Variants in ZNF641 observed in about 807,000 individuals in gnomAD.
ZNF641 encodes the protein zinc finger protein 641.
A neutral mutation model predicts 46.2 loss-of-function variants in ZNF641; 26 were observed. The ratio of observed to expected loss-of-function variants is 0.56; its 90% CI spans 0.41 to 0.78. ZNF641 has a LOEUF of 0.78. Ranked by LOEUF, ZNF641 falls within the 30% of genes least tolerant of loss-of-function variation. The pLI, the probability that ZNF641 is intolerant of heterozygous loss-of-function variation, is 0.00. For synonymous variants in ZNF641, 163 were observed against 187.9 expected (o/e 0.87, Z 1.09); for missense variants, 469 against 517.8 (o/e 0.91, Z 0.91).
Position 48,341,544 on chromosome 12 carries a change from C to A in ZNF641, c.*1429G>T. ...CAGCAGCTGAAAAGCTAAGCCACAG[C>A]CATTTTCCCTAAAGTTCTGTTTCTG... On this transcript the variant is annotated 3_prime_UTR_variant, in exon 6 of 6. Coordinates refer to ENST00000547026, the MANE Select transcript of ZNF641 (RefSeq NM_001172681.2). 1.0e-6 allele frequency: 1 copy of A among 985,452 alleles called. No individual in the cohort carries two copies. Among genetic ancestry groups the A allele is most frequent in the Non-Finnish European group, 1.2e-6 (1 of 829,944 alleles). The allele number at this position is 985,452 out of a possible 1,614,324, so 61.0% of individuals were successfully genotyped here. A position where few individuals can be genotyped will look rare whatever the true frequency, so the allele number is the denominator to read the frequency against.
At position 48,344,459 on chromosome 12, in the gene ZNF641, C is replaced by T; in HGVS notation, c.520+140G>A. 14 of 549,194 alleles carry T rather than the reference C, an allele frequency of 2.5e-5. 1 individual carries two copies. In the South Asian group the frequency reaches 3.9e-4, roughly 15 times the overall value. 34.0% of individuals were successfully genotyped at this position (549,194 alleles called of 1,614,324 possible). A position where few individuals can be genotyped will look rare whatever the true frequency, so the allele number is the denominator to read the frequency against. On this transcript the variant is annotated intron_variant, in intron 5 of 5. Transcript: ENST00000547026. ...GTGCCTGCTACATCATTCTATTACA[C>T]TCCCTTGCTTTTGAAGAAAAAAATC...
chr12:48,350,218 C>A, intron 1 of ZNF641: 2 of 1,486,454 alleles, frequency 1.3e-6, no homozygotes, highest in Non-Finnish European at 1.8e-6. Context: ...TAGCAAGGGA[C>A]CTGCAAAAGG....
chr12:48,351,023 T>TGGGAGGGAGAGGAGTGGGAGGGA (rs1565997461), upstream of ZNF641: 3 of 81,434 alleles, frequency 3.7e-5, no homozygotes, highest in South Asian at 6.8e-4. Flanking sequence ...GGGAGAGGAG[T>TGGGAGGGAGAGGAGTGGGAGGGA]GGGAGGGAGG....
At position 48,348,012 on chromosome 12, in the gene ZNF641, C is replaced by A; in HGVS notation, c.79G>T (p.Val27Leu). ...CGCTCTTCCTGGCTTCCCCTTTCCACCTGGGGCTCTGCTCCATCCAGCTGT... is the reference window on the plus strand; with the variant it reads ...CGCTCTTCCTGGCTTCCCCTTTCCAACTGGGGCTCTGCTCCATCCAGCTGT... ...NVQLDGAEPQ[V>L]ERGSQEERPW... The change falls in exon 2 of 6, where the codon GTG (valine) becomes TTG (leucine). Residue 27 changes from valine (V) to leucine (L), a missense_variant. Val to Leu is a conservative substitution (Grantham distance 32). Around this residue, in one of 3 missense-constraint regions of ZNF641, gnomAD observed 98 missense variants for 105.7 expected, o/e 0.93. Transcript: ENST00000547026. 1 of 1,614,230 alleles carries A rather than the reference C, an allele frequency of 6.2e-7. No individual in the cohort carries two copies. The highest frequency in any genetic ancestry group is 8.5e-7 in the Non-Finnish European group (1 of 1,180,050).
chr12:48,350,771 C>T lies in ZNF641; in HGVS notation c.-26+15G>A. 2 of 969,466 alleles carry T rather than the reference C, an allele frequency of 2.1e-6. No homozygotes were observed. Among genetic ancestry groups the T allele is most frequent in the Non-Finnish European group, 2.5e-6 (2 of 815,310 alleles). 60.1% of individuals were successfully genotyped at this position (969,466 alleles called of 1,614,324 possible). ...TCCCTCCAGCCGCAGCTCCCTCCGGCCCGGCTCCACTCACCCCCGGTAGGC... is the reference window on the plus strand; with the variant it reads ...TCCCTCCAGCCGCAGCTCCCTCCGGTCCGGCTCCACTCACCCCCGGTAGGC... On this transcript the variant is annotated intron_variant, in intron 1 of 5. Transcript: ENST00000547026.
At position 48,341,409 on chromosome 12, in the gene ZNF641, T is replaced by C. The variant is rs1301058688; in HGVS notation, c.*1564A>G. 5.1e-6 allele frequency: 5 copies of C among 985,332 alleles called. No individual in the cohort carries two copies. In the Admixed American group the frequency reaches 3.1e-4, roughly 61 times the overall value. 61.0% of individuals were successfully genotyped at this position (985,332 alleles called of 1,614,324 possible). A position where few individuals can be genotyped will look rare whatever the true frequency, so the allele number is the denominator to read the frequency against. On this transcript the variant is annotated 3_prime_UTR_variant, in exon 6 of 6. Transcript: ENST00000547026. The stretch of plus-strand genomic sequence containing the variant: ...TTGATAAAGAGAAACAATGACCAAC[T>C]CATTAGCTAACGATGCTAGAATACT...
In ZNF641 at chr12:48,341,701, A is replaced by C. The variant is rs1380882724; in HGVS notation, c.*1272T>G. 1 of 985,348 alleles carries C rather than the reference A, an allele frequency of 1.0e-6. No individual in the cohort carries two copies. Among genetic ancestry groups the C allele is most frequent in the Non-Finnish European group, 1.2e-6 (1 of 829,954 alleles). 61.0% of individuals were successfully genotyped at this position (985,348 alleles called of 1,614,324 possible). On this transcript the variant is annotated 3_prime_UTR_variant, in exon 6 of 6. Coordinates refer to ENST00000547026, the MANE Select transcript of ZNF641 (RefSeq NM_001172681.2). ...AGCACTTAAAACAAAATCCCCACTC[A>C]ATACAAAGTTTCTATGTGCCTCTTG...
intron 2 of ZNF641, 87 bp from the exon 3 acceptor site, chr12:48,347,430 G>T (rs1952908453): frequency 8.3e-7 from 1 of 1,204,748 alleles, no homozygotes; most frequent in Admixed American, 2.9e-5. Flanking sequence ...AGGCTTAAGG[G>T]TCACAACTTC....
At position 48,338,509 on chromosome 12, in the gene ZNF641, GTCTGTCC is replaced by G. The variant is rs1210647932; in HGVS notation, c.*4457_*4463del. The G allele has an allele frequency of 6.6e-6, 1 of 152,290 alleles. No homozygotes were observed. Among genetic ancestry groups the G allele is most frequent in the Admixed American group, 6.5e-5 (1 of 15,278 alleles). 9.4% of individuals were successfully genotyped at this position (152,290 alleles called of 1,614,324 possible). ...GGGCAGATTTATAACTGTCAGTTCA[GTCTGTCC>G]TCATAGGTGCGCCTGGGAGAGGAAC... On this transcript the variant is annotated 3_prime_UTR_variant, in exon 6 of 6. Coordinates refer to ENST00000547026, the MANE Select transcript of ZNF641 (RefSeq NM_001172681.2).
chr12:48,346,629 C>A (rs1952879421), intron 3 of ZNF641, among the ~76,000 whole-genome samples: 1 of 152,150 alleles, frequency 6.6e-6, no homozygotes, highest in South Asian at 2.1e-4. Flanking sequence ...TCCTCTTTTC[C>A]TAATCTTTCC....
rs1199845186 is a variant in ZNF641, at chr12:48,343,083, G to A, written c.1165C>T (p.Pro389Ser). The A allele has an allele frequency of 1.2e-6, 2 of 1,614,206 alleles. No homozygotes were observed. The highest frequency in any genetic ancestry group is 4.5e-5 in the East Asian group (2 of 44,888). The change falls in exon 6 of 6, where the codon CCT becomes TCT. Residue 389 changes from proline to serine, a missense_variant. Pro to Ser is a moderately conservative substitution (Grantham distance 74, BLOSUM62 -1). Coordinates refer to ENST00000547026, the MANE Select transcript of ZNF641 (RefSeq NM_001172681.2). Reference protein sequence around the residue: ...THTGEKPFQCPRCEKSFGRKH... With the variant: ...THTGEKPFQCSRCEKSFGRKH... Reference sequence around the variant, plus strand: ...CGGCCAAAGCTCTTCTCACAGCGAGGGCACTGGAAGGGCTTCTCCCCAGTG... The same window carrying A: ...CGGCCAAAGCTCTTCTCACAGCGAGAGCACTGGAAGGGCTTCTCCCCAGTG...
chr12:48,349,174 T>C (rs772353891), intron 1 of ZNF641, among the ~76,000 whole-genome samples: 1 of 152,222 alleles, frequency 6.6e-6, no homozygotes, highest in Non-Finnish European at 1.5e-5. Context: ...GGGTCTTGAT[T>C]GCAAGAGAAG....
Position 48,341,325 on chromosome 12 carries a change from C to G in ZNF641, c.*1648G>C. On this transcript the variant is annotated 3_prime_UTR_variant, in exon 6 of 6. Transcript: ENST00000547026. The stretch of plus-strand genomic sequence containing the variant: ...CTTTGCTCCTCTTCCTCCCTAACCC[C>G]GAACTGCTCTTACATACAAGATAAT... 4 of 985,370 alleles carry G rather than the reference C, an allele frequency of 4.1e-6. No homozygotes were observed. The highest frequency in any genetic ancestry group is 4.8e-6 in the Non-Finnish European group (4 of 829,924). The allele number at this position is 985,370 out of a possible 1,614,324, so 61.0% of individuals were successfully genotyped here.
At position 48,347,976 on chromosome 12, in the gene ZNF641, T is replaced by G. The variant is rs1421120545; in HGVS notation, c.115A>C (p.Thr39Pro). Residue 39 changes from threonine to proline, a missense_variant, in exon 2 of 6, where the codon ACA becomes CCA. Transcript: ENST00000547026. Reference sequence around the variant, plus strand: ...AGGTGCTCCAGAGGTCCTGGTACTGTTCTCCATGGCCGCTCTTCCTGGCTT... The same window carrying G: ...AGGTGCTCCAGAGGTCCTGGTACTGGTCTCCATGGCCGCTCTTCCTGGCTT... Reference protein sequence around the residue: ...RGSQEERPWRTVPGPLEHLCC... With the variant: ...RGSQEERPWRPVPGPLEHLCC... 4 of 1,614,128 alleles carry G rather than the reference T, an allele frequency of 2.5e-6. No homozygotes were observed. The highest frequency in any genetic ancestry group is 3.4e-6 in the Non-Finnish European group (4 of 1,180,060).
In ZNF641 at chr12:48,343,048, G is replaced by T; in HGVS notation, c.1200C>A (p.His400Gln). 1 of 1,614,250 alleles carries T rather than the reference G, an allele frequency of 6.2e-7. No homozygotes were observed. The highest frequency in any genetic ancestry group is 8.5e-7 in the Non-Finnish European group (1 of 1,180,044). ...GGTGGGTGAGCAGGTGCCTGTCCAG[G>T]TGATGTTTTCGGCCAAAGCTCTTCT... Reference protein sequence around the residue: ...RCEKSFGRKHHLDRHLLTHQG... With the variant: ...RCEKSFGRKHQLDRHLLTHQG... The change falls in exon 6 of 6, where the codon CAC (histidine) becomes CAA (glutamine). Residue 400 changes from histidine (H) to glutamine (Q), a missense_variant. Physicochemically the swap from His to Gln is conservative, Grantham distance 24 (BLOSUM62 0). Coordinates refer to ENST00000547026, the MANE Select transcript of ZNF641 (RefSeq NM_001172681.2).
At chr12:48,344,278 T>C (rs77027426) in intron 5 of ZNF641, 10,415 of 179,080 alleles carry the variant, frequency 0.058, 413 homozygotes, top group Non-Finnish European at 0.089. Flanking sequence ...CTAACATTTA[T>C]TGAGTGCTTA....
At chr12:48,335,562 A>AC (rs1421047827), downstream of ZNF641, among the ~76,000 whole-genome samples, 1 of 152,222 alleles carries the variant, frequency 6.6e-6, no homozygotes, top group Non-Finnish European at 1.5e-5. Context: ...AGAGACCCAG[A>AC]CCTTGACCTT....
chr12:48,346,631 A>T (rs1438630469), intron 3 of ZNF641, among the ~76,000 whole-genome samples: 1 of 152,144 alleles, frequency 6.6e-6, no homozygotes, highest in South Asian at 2.1e-4. Flanking sequence ...CTCTTTTCCT[A>T]ATCTTTCCAG....
rs1381392991 is a variant in ZNF641 at position 48,344,492 on chromosome 12, C to G, written c.520+107G>C. The G allele has an allele frequency of 4.5e-6, 3 of 669,648 alleles. No homozygotes were observed. In the Admixed American group the frequency reaches 1.0e-4, roughly 23 times the overall value. 41.5% of individuals were successfully genotyped at this position (669,648 alleles called of 1,614,324 possible). A position where few individuals can be genotyped will look rare whatever the true frequency, so the allele number is the denominator to read the frequency against. Reference sequence around the variant, plus strand: ...CTTTTGAAGAAAAAAATCTCTAAACCTTTTGTCTCTGGAACTCTCTGAGGC... The same window carrying G: ...CTTTTGAAGAAAAAAATCTCTAAACGTTTTGTCTCTGGAACTCTCTGAGGC... On this transcript the variant is annotated intron_variant, in intron 5 of 5. Transcript: ENST00000547026.
Sources: gnomAD v4.1 joint callset for allele counts (sites outside exome capture counted in the v4.1 genomes callset) on GRCh38, gnomAD v4.1.1 for gene constraint, gnomAD v4.1.1 regional missense constraint, MANE v1.5 for transcripts, NCBI Gene and HGNC (gene_info 2026-07-23, HGNC 2026-07-21) for gene names.